Variants in MTMR7 observed in about 807,000 individuals in gnomAD.
MTMR7 encodes the protein myotubularin related protein 7.
In MTMR7, 76 loss-of-function variants were observed where a neutral mutation model predicts 81.2. That is an observed-to-expected ratio of 0.94 (90% CI 0.78 to 1.13). The LOEUF (loss-of-function observed/expected upper bound fraction) is 1.13, where lower values mean the gene tolerates loss of function less well. Among genes scored for constraint, MTMR7 ranks in the 50% most tolerant of loss-of-function variants. The pLI is 0.00. For missense variants in MTMR7, 1,044 were observed against 820.0 expected (o/e 1.27, Z -3.34); for synonymous variants, 372 against 289.8 (o/e 1.28, Z -2.88).
At chr8:17,309,732 G>T (rs1218072921) in intron 9 of MTMR7, among the ~76,000 whole-genome samples, 2 of 152,152 alleles carry the variant, frequency 1.3e-5, no homozygotes, top group Non-Finnish European at 2.9e-5. Context: ...CACAGCCCAG[G>T]TCTCTCCACT....
intron 9 of MTMR7, among the ~76,000 whole-genome samples, chr8:17,311,003 GAAC>G (rs1817751326): frequency 2.0e-5 from 3 of 152,118 alleles, no homozygotes; most frequent in South Asian, 2.1e-4. Context: ...TTTCAGCAAA[GAAC>G]AACAACAAAA....
At chr8:17,310,100 G>C (rs146840835) in intron 9 of MTMR7, among the ~76,000 whole-genome samples, 2 of 151,944 alleles carry the variant, frequency 1.3e-5, no homozygotes, top group African/African-American at 2.4e-5. Context: ...TCCTGAGCTC[G>C]AGCGATCCTC....
intron 1 of MTMR7, among the ~76,000 whole-genome samples, chr8:17,397,454 G>C (rs1036394633): frequency 6.6e-6 from 1 of 152,182 alleles, no homozygotes; most frequent in African/African-American, 2.4e-5. Flanking sequence ...TGGACCAGTG[G>C]TAGTGGTGGC....
At chr8:17,366,802 C>T (rs968361021) in intron 3 of MTMR7, among the ~76,000 whole-genome samples, 3 of 148,034 alleles carry the variant, frequency 2.0e-5, no homozygotes, top group African/African-American at 7.6e-5. Context: ...AGAAGAATGG[C>T]ATGAACCTGA....
In MTMR7 at chr8:17,299,108, G is replaced by A. The variant is rs1816929849; in HGVS notation, c.*754C>T. On this transcript the variant is annotated 3_prime_UTR_variant, in exon 14 of 14. Coordinates refer to ENST00000180173, the MANE Select transcript of MTMR7 (RefSeq NM_004686.5). ...AGTAATAAAAGGTTATTACAAGAAAGCTGATACTTAAATTCATATGTAAGA... is the reference window on the plus strand; with the variant it reads ...AGTAATAAAAGGTTATTACAAGAAAACTGATACTTAAATTCATATGTAAGA... The A allele has an allele frequency of 6.6e-6, 1 of 152,142 alleles. No individual in the cohort carries two copies. The highest frequency in any genetic ancestry group is 2.4e-5 in the African/African-American group (1 of 41,434). The allele number at this position is 152,142 out of a possible 1,614,324, so 9.4% of individuals were successfully genotyped here. A position where few individuals can be genotyped will look rare whatever the true frequency, so the allele number is the denominator to read the frequency against.
chr8:17,404,281 A>G (rs1821512163), intron 1 of MTMR7, among the ~76,000 whole-genome samples: 1 of 152,140 alleles, frequency 6.6e-6, no homozygotes, highest in Non-Finnish European at 1.5e-5. Flanking sequence ...GGATTGAAGG[A>G]TAACTCCAAA....
intron 3 of MTMR7, among the ~76,000 whole-genome samples, chr8:17,361,769 G>A (rs1820068319): frequency 6.6e-6 from 1 of 152,108 alleles, no homozygotes; most frequent in South Asian, 2.1e-4. Context: ...AAAAACTCTG[G>A]AATATACTAA....
At chr8:17,413,194 C>A in intron 1 of MTMR7, 75 bp downstream of exon 1, 1 of 1,508,986 alleles carries the variant, frequency 6.6e-7, no homozygotes, top group Non-Finnish European at 9.0e-7. Flanking sequence ...AGTCGGCCTC[C>A]CGCGCGCTCA....
chr8:17,412,734 G>A (rs1357442910), intron 1 of MTMR7, among the ~76,000 whole-genome samples: 1 of 152,128 alleles, frequency 6.6e-6, no homozygotes, highest in Non-Finnish European at 1.5e-5. Flanking sequence ...TTGATTATCC[G>A]TTCTGTGTAA....
At chr8:17,399,162 G>A (rs1251426832) in intron 1 of MTMR7, among the ~76,000 whole-genome samples, 1 of 151,812 alleles carries the variant, frequency 6.6e-6, no homozygotes, top group Admixed American at 6.6e-5. Context: ...AAAATAAAGA[G>A]CATCCAAACT....
chr8:17,380,055 G>C (rs191517790), intron 1 of MTMR7, among the ~76,000 whole-genome samples: 3 of 152,110 alleles, frequency 2.0e-5, no homozygotes, highest in African/African-American at 7.2e-5. Context: ...ATGGTGAGTC[G>C]ATCTGCAACG....
intron 1 of MTMR7, among the ~76,000 whole-genome samples, chr8:17,402,969 C>G (rs187876277): frequency 6.6e-6 from 1 of 152,260 alleles, no homozygotes; most frequent in East Asian, 1.9e-4. Context: ...TCTCACTGTA[C>G]TTTTGATTTT....
intron 6 of MTMR7, among the ~76,000 whole-genome samples, chr8:17,335,622 C>G (rs1418016535): frequency 1.3e-5 from 2 of 152,172 alleles, no homozygotes; most frequent in Non-Finnish European, 2.9e-5. Flanking sequence ...CACAGGTGGT[C>G]AAATGACGGT....
intron 3 of MTMR7, 78 bp from the exon 4 acceptor site, chr8:17,361,352 C>T (rs1436242561): frequency 6.5e-7 from 1 of 1,540,980 alleles, no homozygotes; most frequent in East Asian, 2.3e-5. Context: ...CATTCTGTCC[C>T]ACCTGGAGTG....
At chr8:17,374,918 G>A (rs181502166) in intron 1 of MTMR7, among the ~76,000 whole-genome samples, 6 of 151,918 alleles carry the variant, frequency 3.9e-5, no homozygotes, top group Non-Finnish European at 5.9e-5. Flanking sequence ...GTGAAACCCC[G>A]TCTCTACTAA....
Position 17,309,310 on chromosome 8 carries a change from T to G in MTMR7, c.1118A>C (p.Asp373Ala). The G allele has an allele frequency of 6.4e-7, 1 of 1,566,572 alleles. No homozygotes were observed. Among genetic ancestry groups the G allele is most frequent in the Non-Finnish European group, 8.8e-7 (1 of 1,137,512 alleles). ...LKGFMVLIEK[D>A]WISFGHKFNH... Reference sequence around the variant, plus strand: ...AAACTTATGACCAAAGGAAATCCAGTCCTTTTCAATTAATACCTACACAAG... The same window carrying G: ...AAACTTATGACCAAAGGAAATCCAGGCCTTTTCAATTAATACCTACACAAG... The change falls in exon 10 of 14, where the codon GAC (aspartate) becomes GCC (alanine). Residue 373 changes from aspartate to alanine, a missense_variant. Coordinates refer to ENST00000180173, the MANE Select transcript of MTMR7 (RefSeq NM_004686.5).
Position 17,311,557 on chromosome 8 carries a change from G to C in MTMR7, c.1055C>G (p.Ala352Gly). Residue 352 changes from alanine to glycine, a missense_variant, in exon 9 of 14, where the codon GCA (alanine) becomes GGA (glycine). Transcript: ENST00000180173. The part of the protein sequence containing the change: ...WDRTAQVCSV[A>G]SLLLDPHYRT... ...GTAGTGAGGGTCCAGCAGCAGGCTT[G>C]CCACCGAGCACACCTGAGCGGTCCT... The C allele has an allele frequency of 6.2e-7, 1 of 1,614,042 alleles. No homozygotes were observed. The highest frequency in any genetic ancestry group is 1.1e-5 in the South Asian group (1 of 91,066).
intron 1 of MTMR7, among the ~76,000 whole-genome samples, chr8:17,410,081 T>C (rs1285852972): frequency 1.3e-5 from 2 of 152,044 alleles, no homozygotes; most frequent in Non-Finnish European, 2.9e-5. Context: ...AGTAGCATGA[T>C]CAATTTGAGA....
At chr8:17,410,934 A>G (rs1208687607) in intron 1 of MTMR7, among the ~76,000 whole-genome samples, 2 of 152,186 alleles carry the variant, frequency 1.3e-5, no homozygotes, top group African/African-American at 4.8e-5. Context: ...CAAACTTTGT[A>G]TACACTCCTT....
Sources: gnomAD v4.1 joint callset for allele counts (sites outside exome capture counted in the v4.1 genomes callset) on GRCh38, gnomAD v4.1.1 for gene constraint, MANE v1.5 for transcripts, NCBI Gene and HGNC (gene_info 2026-07-23, HGNC 2026-07-21) for gene names.